ADGRB3: variants seen among roughly 807,000 people sequenced by gnomAD.
ADGRB3 encodes the protein brain-specific angiogenesis inhibitor 3.
A neutral mutation model predicts 193.4 loss-of-function variants in ADGRB3; 37 were observed. The ratio of observed to expected loss-of-function variants is 0.19; its 90% CI spans 0.15 to 0.25. The LOEUF (loss-of-function observed/expected upper bound fraction) is 0.25, where lower values mean the gene tolerates loss of function less well. Ranked by LOEUF, ADGRB3 falls within the 10% of genes least tolerant of loss-of-function variation. The probability of loss-of-function intolerance (pLI) is 1.00; values close to 1 mark genes in which losing one functional copy is unlikely to be tolerated. For missense variants in ADGRB3, 1,637 were observed against 1,852.9 expected (o/e 0.88, Z 2.14); for synonymous variants, 690 against 644.2 (o/e 1.07, Z -1.08).
At chr6:68,915,499 A>T (rs1024361245) in intron 3 of ADGRB3, among the ~76,000 whole-genome samples, 9 of 152,202 alleles carry the variant, frequency 5.9e-5, no homozygotes, top group Non-Finnish European at 1.3e-4. Flanking sequence ...TAAAAGACAA[A>T]ATATTAAGGG....
chr6:69,036,667 A>G (rs1279057205), intron 13 of ADGRB3, among the ~76,000 whole-genome samples: 5 of 152,152 alleles, frequency 3.3e-5, no homozygotes, highest in Non-Finnish European at 7.4e-5. Flanking sequence ...AGGAAAAAAT[A>G]ATTTAGCGGA....
At chr6:68,871,794 A>T (rs144943999) in intron 3 of ADGRB3, among the ~76,000 whole-genome samples, 1,875 of 152,278 alleles carry the variant, frequency 0.012, 17 homozygotes, top group Middle Eastern at 0.021. Flanking sequence ...ATCATTAATG[A>T]CATTAATGAG....
intron 3 of ADGRB3, among the ~76,000 whole-genome samples, chr6:68,703,441 CTA>C (rs1291099749): frequency 6.6e-6 from 1 of 151,988 alleles, no homozygotes; most frequent in African/African-American, 2.4e-5. Context: ...TTGAATTTAA[CTA>C]TATATATGTT....
chr6:68,949,463 T>C (rs377345155), intron 6 of ADGRB3, among the ~76,000 whole-genome samples: 5 of 152,194 alleles, frequency 3.3e-5, no homozygotes, highest in Admixed American at 1.3e-4. Context: ...ATTTCTGTTA[T>C]ATAGAGCGAG....
chr6:68,840,565 G>A (rs1204253116), intron 3 of ADGRB3, among the ~76,000 whole-genome samples: 1 of 151,696 alleles, frequency 6.6e-6, no homozygotes, highest in Non-Finnish European at 1.5e-5. Flanking sequence ...GCTGGTGGCT[G>A]CCATGGGGAG....
chr6:68,964,947 T>C (rs1014725549), intron 8 of ADGRB3, among the ~76,000 whole-genome samples: 2 of 152,190 alleles, frequency 1.3e-5, no homozygotes, highest in East Asian at 3.8e-4. Flanking sequence ...TCTCTGAGAA[T>C]GGACTCAACT....
At chr6:69,232,379 T>C in intron 17 of ADGRB3, 1 of 1,400,726 alleles carries the variant, frequency 7.1e-7, no homozygotes, top group East Asian at 2.6e-5. Flanking sequence ...ACCATTTTTA[T>C]TGTTCTGCTG....
At chr6:68,924,720 G>A (rs1467350138) in intron 3 of ADGRB3, among the ~76,000 whole-genome samples, 1 of 151,822 alleles carries the variant, frequency 6.6e-6, no homozygotes, top group Non-Finnish European at 1.5e-5. Context: ...GAAGTATTTC[G>A]GAAAGCAAGT....
chr6:69,375,936 C>A (rs1769807404), intron 30 of ADGRB3, among the ~76,000 whole-genome samples: 1 of 151,762 alleles, frequency 6.6e-6, no homozygotes, highest in Admixed American at 6.6e-5. Flanking sequence ...AAGTGAGACT[C>A]CATCTCAAAA....
intron 3 of ADGRB3, among the ~76,000 whole-genome samples, chr6:68,698,538 T>C (rs1765192255): frequency 6.6e-6 from 1 of 152,080 alleles, no homozygotes; most frequent in Non-Finnish European, 1.5e-5. Flanking sequence ...TTGTTCTATC[T>C]TTTAAATTTA....
intron 3 of ADGRB3, among the ~76,000 whole-genome samples, chr6:68,764,478 G>C (rs890562528): frequency 6.6e-6 from 1 of 152,266 alleles, no homozygotes; most frequent in South Asian, 2.1e-4. Context: ...GTGAACAGGA[G>C]ATATCAGACT....
At chr6:68,948,221 A>C (rs900193565) in intron 6 of ADGRB3, among the ~76,000 whole-genome samples, 1 of 152,112 alleles carries the variant, frequency 6.6e-6, no homozygotes, top group Non-Finnish European at 1.5e-5. Context: ...TTGTCTTTTA[A>C]GTGTCATCGT....
At position 69,333,129 on chromosome 6, in the gene ADGRB3, C is replaced by A. The variant is rs184730944; in HGVS notation, c.3188+121C>A. 7,273 of 1,073,400 alleles carry A rather than the reference C, an allele frequency of 6.8e-3. 32 individuals carry two copies. Among genetic ancestry groups the A allele is most frequent in the Non-Finnish European group, 7.5e-3 (5,702 of 757,818 alleles). The allele number at this position is 1,073,400 out of a possible 1,614,324, so 66.5% of individuals were successfully genotyped here. ...TTTTGTTATTGATGTACTAGTGTGT[C>A]CAGTAGATTCTGCTATATAAAAGTT... On this transcript the variant is annotated intron_variant, in intron 24 of 31. Transcript: ENST00000370598.
chr6:69,302,289 A>G (rs1767963948), intron 20 of ADGRB3, among the ~76,000 whole-genome samples: 1 of 151,970 alleles, frequency 6.6e-6, no homozygotes, highest in Non-Finnish European at 1.5e-5. Flanking sequence ...CCCTTTCTAT[A>G]AAGCTGCTAA....
chr6:69,388,405 T>TA (rs1330148254), intron 31 of ADGRB3, among the ~76,000 whole-genome samples: 2 of 152,252 alleles, frequency 1.3e-5, no homozygotes, highest in East Asian at 3.9e-4. Flanking sequence ...CATATGGTCA[T>TA]ACTGACAATT....
intron 16 of ADGRB3, among the ~76,000 whole-genome samples, chr6:69,071,056 T>G (rs983804265): frequency 1.3e-5 from 2 of 152,170 alleles, no homozygotes; most frequent in African/African-American, 4.8e-5. Flanking sequence ...AGGCAGGGAC[T>G]TAGTTTTGCT....
chr6:68,670,980 G>C (rs1768941559), intron 3 of ADGRB3, among the ~76,000 whole-genome samples: 1 of 151,538 alleles, frequency 6.6e-6, no homozygotes, highest in Non-Finnish European at 1.5e-5. Flanking sequence ...TCACTTCCTT[G>C]GTTATGTTAA....
intron 17 of ADGRB3, among the ~76,000 whole-genome samples, chr6:69,226,457 T>C (rs1235438952): frequency 6.6e-6 from 1 of 152,206 alleles, no homozygotes; most frequent in East Asian, 1.9e-4. Context: ...CATAACAATA[T>C]ACCTGTCCTC....
chr6:68,930,636 C>G lies in ADGRB3; in HGVS notation c.835C>G (p.Gln279Glu). ...SVHEKRVPQE[Q>E]ADAAKFMAQT... Reference sequence around the variant, plus strand: ...TCATGAAAAAAGGGTCCCTCAGGAACAAGCTGATGCTGCTAAATTTATGGC... The same window carrying G: ...TCATGAAAAAAGGGTCCCTCAGGAAGAAGCTGATGCTGCTAAATTTATGGC... The change falls in exon 4 of 32, where the codon CAA (glutamine) becomes GAA (glutamate). Residue 279 changes from glutamine (Q) to glutamate (E), a missense_variant. Physicochemically the swap from Gln to Glu is conservative, Grantham distance 29 (BLOSUM62 2). Around this residue, in one of 7 missense-constraint regions of ADGRB3, gnomAD observed 365 missense variants for 409.8 expected, o/e 0.89. Coordinates refer to ENST00000370598, the MANE Select transcript of ADGRB3 (RefSeq NM_001704.3). 2 of 1,611,346 alleles carry G rather than the reference C, an allele frequency of 1.2e-6. No homozygotes were observed. Among genetic ancestry groups the G allele is most frequent in the Non-Finnish European group, 1.7e-6 (2 of 1,178,444 alleles).
Sources: gnomAD v4.1 joint callset for allele counts (sites outside exome capture counted in the v4.1 genomes callset) on GRCh38, gnomAD v4.1.1 for gene constraint, gnomAD v4.1.1 regional missense constraint, MANE v1.5 for transcripts, NCBI Gene and HGNC (gene_info 2026-07-23, HGNC 2026-07-21) for gene names.